Variants in CSMD1 observed in about 807,000 individuals in gnomAD.
CSMD1 encodes CUB and Sushi multiple domains 1.
A neutral mutation model predicts 417.5 loss-of-function variants in CSMD1; 213 were observed. That is an observed-to-expected ratio of 0.51 (90% confidence interval 0.46 to 0.57). The LOEUF is 0.57. Ranked by LOEUF, CSMD1 falls within the 20% of genes least tolerant of loss-of-function variation. The probability of loss-of-function intolerance (pLI) is 0.00; values close to 1 mark genes in which losing one functional copy is unlikely to be tolerated. For synonymous variants in CSMD1, 2,862 were observed against 1,736.8 expected (o/e 1.65, Z -16.11); for missense variants, 6,923 against 4,529.7 (o/e 1.53, Z -15.17).
At chr8:3,680,085 A>G (rs1196678033) in intron 7 of CSMD1, among the ~76,000 whole-genome samples, 2 of 152,194 alleles carry the variant, frequency 1.3e-5, no homozygotes, top group African/African-American at 4.8e-5. Context: ...AGAAAGCAGG[A>G]AAGACCTATA....
At chr8:3,835,723 A>C (rs74836882) in intron 5 of CSMD1, among the ~76,000 whole-genome samples, 13 of 111,164 alleles carry the variant, frequency 1.2e-4, no homozygotes, top group South Asian at 8.0e-4. Flanking sequence ...AAATTAACAA[A>C]AAAAAAAAAA....
At chr8:4,975,677 G>A (rs923695588) in intron 1 of CSMD1, among the ~76,000 whole-genome samples, 3 of 152,186 alleles carry the variant, frequency 2.0e-5, no homozygotes, top group African/African-American at 7.2e-5. Flanking sequence ...AATTCAAGAA[G>A]TAGGCAAAGG....
intron 1 of CSMD1, among the ~76,000 whole-genome samples, chr8:4,826,510 T>A (rs796414495): frequency 4.6e-5 from 7 of 152,310 alleles, no homozygotes; most frequent in African/African-American, 1.7e-4. Flanking sequence ...TTATACAAAT[T>A]CATGGGGTAC....
intron 2 of CSMD1, among the ~76,000 whole-genome samples, chr8:4,591,760 T>G (rs932488236): frequency 2.6e-5 from 4 of 152,096 alleles, no homozygotes; most frequent in Admixed American, 2.6e-4. Flanking sequence ...AGGATCTGTT[T>G]TGGAAATACT....
chr8:4,493,106 T>C (rs911510780), intron 2 of CSMD1, among the ~76,000 whole-genome samples: 2 of 152,200 alleles, frequency 1.3e-5, no homozygotes, highest in African/African-American at 2.4e-5. Flanking sequence ...ACCATCTGTA[T>C]TCTGGAAGAC....
intron 1 of CSMD1, among the ~76,000 whole-genome samples, chr8:4,738,915 G>GTGTGTGTGTGTGTGTGTGTGTA (rs1373054433): frequency 4.2e-4 from 64 of 152,130 alleles, no homozygotes; most frequent in African/African-American, 1.5e-3. Context: ...GTGTGTGTGT[G>GTGTGTGTGTGTGTGTGTGTGTA]TGTGTGTATG....
intron 1 of CSMD1, among the ~76,000 whole-genome samples, chr8:4,992,362 A>G (rs1811515136): frequency 6.6e-6 from 1 of 152,172 alleles, no homozygotes. Context: ...AACCTCTGCT[A>G]ATTGCGGGGG....
At chr8:3,818,152 C>T (rs887825483) in intron 5 of CSMD1, among the ~76,000 whole-genome samples, 3 of 152,042 alleles carry the variant, frequency 2.0e-5, no homozygotes, top group African/African-American at 7.2e-5. Flanking sequence ...AGGGTAGTGC[C>T]TCCTCTGACA....
chr8:3,772,332 TAGACATAC>T lies in CSMD1; in HGVS notation c.819-18298_819-18291del, dbSNP rs1396340715. 5.2e-3 allele frequency among the ~76,000 whole-genome samples: 184 copies of T among 35,432 alleles called. 11 individuals are homozygous for T. Among genetic ancestry groups the T allele is most frequent in the African/African-American group, 0.024 (156 of 6,516 alleles). The allele number at this position is 35,432 out of a possible 152,430, so 23.2% of individuals were successfully genotyped here. A position where few individuals can be genotyped will look rare whatever the true frequency, so the allele number is the denominator to read the frequency against. ...TTAGACATACATATGTACATATATT[TAGACATAC>T]ATATATACATATATTTATATATACA... On this transcript the variant is annotated intron_variant, in intron 5 of 69. Coordinates refer to ENST00000635120, the MANE Select transcript of CSMD1 (RefSeq NM_033225.6).
intron 1 of CSMD1, among the ~76,000 whole-genome samples, chr8:4,688,129 G>T (rs1279973396): frequency 6.6e-6 from 1 of 152,070 alleles, no homozygotes; most frequent in South Asian, 2.1e-4. Flanking sequence ...ATTGTATGAG[G>T]TATTTGATTC....
intron 10 of CSMD1, among the ~76,000 whole-genome samples, chr8:3,529,697 C>G (rs1347814177): frequency 6.6e-6 from 1 of 152,082 alleles, no homozygotes; most frequent in African/African-American, 2.4e-5. Context: ...CTCATATGTA[C>G]AAATACATCT....
intron 15 of CSMD1, among the ~76,000 whole-genome samples, chr8:3,401,060 A>C (rs904098666): frequency 2.0e-5 from 3 of 151,648 alleles, no homozygotes; most frequent in African/African-American, 7.2e-5. Context: ...TATGTAATTC[A>C]ATTCTTTTGT....
chr8:4,262,377 A>C (rs1057270100), intron 3 of CSMD1, among the ~76,000 whole-genome samples: 1 of 152,204 alleles, frequency 6.6e-6, no homozygotes, highest in African/African-American at 2.4e-5. Flanking sequence ...AGCAGGCTGA[A>C]AGGAATCCCA....
At chr8:3,839,254 ATTAC>A (rs1181569146) in intron 5 of CSMD1, among the ~76,000 whole-genome samples, 1 of 124,982 alleles carries the variant, frequency 8.0e-6, no homozygotes, top group Non-Finnish European at 1.6e-5. Context: ...ATTAATATAT[ATTAC>A]TTATATATAC....
intron 7 of CSMD1, among the ~76,000 whole-genome samples, chr8:3,646,846 G>T (rs562789720): frequency 6.6e-6 from 1 of 152,032 alleles, no homozygotes; most frequent in South Asian, 2.1e-4. Context: ...CTGGCTGCTT[G>T]CCTCTCTGGC....
At chr8:4,923,647 CTCACAT>C (rs2117155188) in intron 1 of CSMD1, among the ~76,000 whole-genome samples, 1 of 152,252 alleles carries the variant, frequency 6.6e-6, no homozygotes, top group South Asian at 2.1e-4. Context: ...GCTTCCTGCA[CTCACAT>C]GTTCTCTCCT....
chr8:4,330,554 C>T (rs1277075100), intron 3 of CSMD1, among the ~76,000 whole-genome samples: 1 of 150,134 alleles, frequency 6.7e-6, no homozygotes, highest in East Asian at 2.0e-4. Flanking sequence ...CACACCACAG[C>T]ACTTCAGCCT....
intron 3 of CSMD1, among the ~76,000 whole-genome samples, chr8:4,417,764 T>C (rs79499648): frequency 0.046 from 7,002 of 152,128 alleles, 237 homozygotes; most frequent in Non-Finnish European, 0.067. Context: ...ATTTTTCTAA[T>C]TATTATCATT....
Position 3,694,009 on chromosome 8 carries a change from T to C in CSMD1, c.1009+14405A>G, listed in dbSNP as rs564659560. Among the ~76,000 whole-genome samples the C allele has an allele frequency of 7.4e-5, 11 of 147,664 alleles. No individual in the cohort carries two copies. The East Asian group carries it at 1.4e-3, about 19-fold the overall frequency. ...TGTTAGTGTGTGTGTGTTGTGTGTG[T>C]TGGGGTATTATGTGTTGTGTGTGTG... On this transcript the variant is annotated intron_variant, in intron 7 of 69. Coordinates refer to ENST00000635120, the MANE Select transcript of CSMD1 (RefSeq NM_033225.6).
Sources: allele counts gnomAD v4.1 joint callset (sites outside exome capture counted in the v4.1 genomes callset), GRCh38; gene constraint gnomAD v4.1.1; transcripts MANE v1.5; gene names NCBI Gene and HGNC (gene_info 2026-07-23, HGNC 2026-07-21).